IFFO2: variants seen among roughly 807,000 people sequenced by gnomAD.
IFFO2 encodes the protein intermediate filament family orphan 2.
In IFFO2, 19 loss-of-function variants were observed where a neutral mutation model predicts 53.5. That is an observed-to-expected ratio of 0.36 (90% CI 0.25 to 0.52). IFFO2 has a LOEUF of 0.52. Ranked by LOEUF, IFFO2 falls within the 20% of genes least tolerant of loss-of-function variation. The pLI is 0.94. For synonymous variants in IFFO2, 303 were observed against 313.6 expected (o/e 0.97, Z 0.36); for missense variants, 570 against 727.4 (o/e 0.78, Z 2.49).
chr1:18,920,452 T>C (rs978657032), intron 2 of IFFO2, among the ~76,000 whole-genome samples: 13 of 152,236 alleles, frequency 8.5e-5, no homozygotes, highest in African/African-American at 3.1e-4. Flanking sequence ...TCATGCCTTC[T>C]CATGGGGTTG....
At chr1:18,949,040 G>A (rs1936625284) in intron 1 of IFFO2, among the ~76,000 whole-genome samples, 1 of 152,210 alleles carries the variant, frequency 6.6e-6, no homozygotes, top group Non-Finnish European at 1.5e-5. Context: ...ACCCTGCACT[G>A]CCAGGCTTGG....
chr1:18,927,146 G>A (rs745802131), intron 1 of IFFO2, among the ~76,000 whole-genome samples: 1 of 152,204 alleles, frequency 6.6e-6, no homozygotes, highest in Non-Finnish European at 1.5e-5. Flanking sequence ...GATGGTGTGG[G>A]TAAAAGCACC....
chr1:18,956,225 C>A lies in IFFO2; in HGVS notation c.108G>T (p.Gly36=). 7.8e-7 allele frequency: 1 copy of A among 1,280,684 alleles called. No individual in the cohort carries two copies. The allele number at this position is 1,280,684 out of a possible 1,614,324, so 79.3% of individuals were successfully genotyped here. A position where few individuals can be genotyped will look rare whatever the true frequency, so the allele number is the denominator to read the frequency against. ...CCGCCGTCACCGGCGACGGACCCGG[C>A]CCTGCCCCGCCGCCGCCGCCGCCCC... The part of the protein sequence containing the change: ...PGGGGGGGGA[G]PGPSPVTAAL... The change falls in exon 1 of 9, where the codon GGG becomes GGT. Residue 36 remains glycine, a synonymous_variant. Coordinates refer to ENST00000455833, the MANE Select transcript of IFFO2 (RefSeq NM_001136265.2). This position sits in a 1 kb window ranked among gnomAD's most constrained non-coding sequence, Gnocchi z 6.4.
intron 1 of IFFO2, among the ~76,000 whole-genome samples, chr1:18,934,360 C>T (rs1442015733): frequency 6.6e-6 from 1 of 152,178 alleles, no homozygotes; most frequent in African/African-American, 2.4e-5. Context: ...GTGTGAGCCA[C>T]CGCGCCCAGC....
rs996251204 is a variant in IFFO2 at position 18,955,648 on chromosome 1, G to A, written c.665+20C>T. On this transcript the variant is annotated intron_variant, in intron 1 of 8. Transcript: ENST00000455833. ...CTGGGCGCCCCGTCCCAGGGCGGCG[G>A]GGGAGGGGCGGCCACTCACCTCCGC... 2 of 1,549,198 alleles carry A rather than the reference G, an allele frequency of 1.3e-6. No homozygotes were observed. Among genetic ancestry groups the A allele is most frequent in the Admixed American group, 3.8e-5 (2 of 52,630 alleles).
intron 1 of IFFO2, among the ~76,000 whole-genome samples, chr1:18,924,020 G>A (rs1307894616): frequency 3.9e-5 from 6 of 152,224 alleles, no homozygotes; most frequent in Non-Finnish European, 5.9e-5. Context: ...CCAGACGGGG[G>A]AGGCAGCCGG....
At chr1:18,912,116 C>G (rs1309491612) in intron 5 of IFFO2, 33 bp from the exon 6 acceptor site, 12 of 1,551,042 alleles carry the variant, frequency 7.7e-6, no homozygotes, top group East Asian at 4.9e-5. Flanking sequence ...CATGACTGAA[C>G]AGAAGGCAGG....
chr1:18,924,274 C>G (rs895480502), intron 1 of IFFO2, among the ~76,000 whole-genome samples: 1 of 152,214 alleles, frequency 6.6e-6, no homozygotes, highest in South Asian at 2.1e-4. Flanking sequence ...CCTGCCCACC[C>G]ACCCAGAGCC....
chr1:18,928,164 T>A lies in IFFO2; in HGVS notation c.666-7043A>T, dbSNP rs1380094149. On this transcript the variant is annotated intron_variant, in intron 1 of 8. Transcript: ENST00000455833. The surrounding 1 kb of genome is among the most constrained non-coding windows in gnomAD (Gnocchi z 4.9). Reference sequence around the variant, plus strand: ...GCCAATAAGCTCTAGCCCCTGCGCATGAAAGAGGCCCCCTCCTGCCTGCCC... The same window carrying A: ...GCCAATAAGCTCTAGCCCCTGCGCAAGAAAGAGGCCCCCTCCTGCCTGCCC... 6.6e-6 allele frequency among the ~76,000 whole-genome samples: 1 copy of A among 152,028 alleles called. No homozygotes were observed. Among genetic ancestry groups the A allele is most frequent in the Non-Finnish European group, 1.5e-5 (1 of 67,988 alleles).
At position 18,906,169 on chromosome 1, in the gene IFFO2, G is replaced by A. The variant is rs192356465; in HGVS notation, c.*2392C>T. ...TGCCCCAAGTCCTCACTCCCAAGAG[G>A]AGAGCAGATATTAAAAGCCAGCCAG... On this transcript the variant is annotated 3_prime_UTR_variant, in exon 9 of 9. Coordinates refer to ENST00000455833, the MANE Select transcript of IFFO2 (RefSeq NM_001136265.2). 8.5e-4 allele frequency: 129 copies of A among 152,340 alleles called. No individual in the cohort carries two copies. Among genetic ancestry groups the A allele is most frequent in the Non-Finnish European group, 1.4e-3 (92 of 68,056 alleles). 9.4% of individuals were successfully genotyped at this position (152,340 alleles called of 1,614,324 possible).
chr1:18,910,993 G>A (rs1349014401), intron 7 of IFFO2, among the ~76,000 whole-genome samples: 1 of 152,240 alleles, frequency 6.6e-6, no homozygotes, highest in Non-Finnish European at 1.5e-5. Context: ...CAAGTCACTT[G>A]GTCCTTTCCA....
intron 1 of IFFO2, among the ~76,000 whole-genome samples, chr1:18,934,363 C>T (rs1022190493): frequency 5.3e-5 from 8 of 152,148 alleles, no homozygotes; most frequent in Non-Finnish European, 1.2e-4. Context: ...TGAGCCACCG[C>T]GCCCAGCCTG....
rs141837117 is a variant in IFFO2 at position 18,947,582 on chromosome 1, G to A, written c.665+8086C>T. 2.6e-5 allele frequency among the ~76,000 whole-genome samples: 4 copies of A among 152,198 alleles called. No homozygotes were observed. The highest frequency in any genetic ancestry group is 3.4e-3 in the Middle Eastern group (1 of 294). ...GTTTCCATCCTGCAGTGCCACCACC[G>A]GGTTTAAATGAGACCGCGTGGAAAT... On this transcript the variant is annotated intron_variant, in intron 1 of 8. Coordinates refer to ENST00000455833, the MANE Select transcript of IFFO2 (RefSeq NM_001136265.2). This position sits in a 1 kb window ranked among gnomAD's most constrained non-coding sequence, Gnocchi z 5.0.
At chr1:18,938,677 C>T (rs564976064) in intron 1 of IFFO2, among the ~76,000 whole-genome samples, 2 of 152,286 alleles carry the variant, frequency 1.3e-5, no homozygotes, top group East Asian at 3.9e-4. Context: ...GAAGCTCCGA[C>T]CACACCAGGG....
At position 18,936,455 on chromosome 1, in the gene IFFO2, T is replaced by C. The variant is rs1015317293; in HGVS notation, c.666-15334A>G. 3.3e-5 allele frequency among the ~76,000 whole-genome samples: 5 copies of C among 152,028 alleles called. No homozygotes were observed. The highest frequency in any genetic ancestry group is 1.2e-4 in the African/African-American group (5 of 41,378). ...TGCTTAAGTGGAAGCCAGCAGGGGG[T>C]CTGGGCAGCAGGTCTTTGGGCACTC... On this transcript the variant is annotated intron_variant, in intron 1 of 8. Transcript: ENST00000455833. The surrounding 1 kb of genome is among the most constrained non-coding windows in gnomAD (Gnocchi z 4.5).
At position 18,908,579 on chromosome 1, in the gene IFFO2, C is replaced by T. The variant is rs770154417; in HGVS notation, c.1536G>A (p.Val512=). 64 of 1,551,474 alleles carry T rather than the reference C, an allele frequency of 4.1e-5. No homozygotes were observed. In the East Asian group the frequency reaches 6.4e-4, roughly 15 times the overall value. ...IQDEFEREAD[V]EPMVS is the part of the protein sequence containing the mutation. ...TCAGTCATCAGCTGACCATGGGCTCCACATCCGCCTCGCGCTCGAACTCAT... is the reference window on the plus strand; with the variant it reads ...TCAGTCATCAGCTGACCATGGGCTCTACATCCGCCTCGCGCTCGAACTCAT... Residue 512 remains valine, a synonymous_variant, in exon 9 of 9, where the codon GTG becomes GTA. Transcript: ENST00000455833.
chr1:18,906,575 A>G lies in IFFO2; in HGVS notation c.*1986T>C, dbSNP rs1236255439. 1 of 152,260 alleles carries G rather than the reference A, an allele frequency of 6.6e-6. No individual in the cohort carries two copies. Among genetic ancestry groups the G allele is most frequent in the South Asian group, 2.1e-4 (1 of 4,830 alleles). 9.4% of individuals were successfully genotyped at this position (152,260 alleles called of 1,614,324 possible). On this transcript the variant is annotated 3_prime_UTR_variant, in exon 9 of 9. Transcript: ENST00000455833. ...TTTTAGCAGCTGAGGTCCAAGCCCA[A>G]CTGGCTCTGATAACCTTTGGTTAAA...
At chr1:18,945,426 C>T (rs2148188679) in intron 1 of IFFO2, among the ~76,000 whole-genome samples, 1 of 152,344 alleles carries the variant, frequency 6.6e-6, no homozygotes, top group African/African-American at 2.4e-5. Flanking sequence ...TGCTGGGGAA[C>T]TTCACAAGAT....
intron 1 of IFFO2, among the ~76,000 whole-genome samples, chr1:18,935,823 G>T (rs889184839): frequency 6.7e-6 from 1 of 149,674 alleles, no homozygotes; most frequent in Non-Finnish European, 1.5e-5. Flanking sequence ...CCAAGTAGCT[G>T]GGATTATAGG....
Sources: gnomAD v4.1 joint callset for allele counts (sites outside exome capture counted in the v4.1 genomes callset) on GRCh38, gnomAD v4.1.1 for gene constraint, Gnocchi (gnomAD v3.1) non-coding constraint, MANE v1.5 for transcripts, NCBI Gene and HGNC (gene_info 2026-07-23, HGNC 2026-07-21) for gene names.